Variants in B3GLCT observed in about 807,000 individuals in gnomAD.
The protein encoded by B3GLCT is beta 3-glucosyltransferase.
Under a neutral mutation model 63.4 loss-of-function variants are expected in B3GLCT, and 65 were observed. The ratio of observed to expected loss-of-function variants is 1.03; its 90% CI spans 0.84 to 1.26. The LOEUF (loss-of-function observed/expected upper bound fraction) is 1.26, where lower values mean the gene tolerates loss of function less well. Among genes scored for constraint, B3GLCT ranks in the 50% most tolerant of loss-of-function variants. The pLI is 0.00. For missense variants in B3GLCT, 577 were observed against 604.8 expected, an observed-to-expected ratio of 0.95 and a Z score of 0.48; for synonymous variants, 233 against 219.2, an observed-to-expected ratio of 1.06 and a Z score of -0.55.
At chr13:31,200,780 C>G (rs1254157124) in intron 1 of B3GLCT, among the ~76,000 whole-genome samples, 1 of 152,076 alleles carries the variant, frequency 6.6e-6, no homozygotes, top group Admixed American at 6.5e-5. Flanking sequence ...CAGCCCTTCC[C>G]GGATTCCGAC....
chr13:31,318,776 C>T (rs1260032717), intron 13 of B3GLCT, among the ~76,000 whole-genome samples: 2 of 152,154 alleles, frequency 1.3e-5, no homozygotes, highest in Non-Finnish European at 2.9e-5. Flanking sequence ...AACATGGCAC[C>T]CATTGAGCCA....
At chr13:31,258,913 T>A (rs1418595877) in intron 6 of B3GLCT, among the ~76,000 whole-genome samples, 1 of 152,246 alleles carries the variant, frequency 6.6e-6, no homozygotes, top group African/African-American at 2.4e-5. Flanking sequence ...GTTTCTAATG[T>A]CATGCATTTT....
intron 7 of B3GLCT, 40 bp from the exon 8 acceptor site, chr13:31,269,171 ACTT>A: frequency 7.4e-7 from 1 of 1,345,754 alleles, no homozygotes; most frequent in Non-Finnish European, 1.1e-6. Flanking sequence ...CTTGCTTGAC[ACTT>A]CTTTTGGTTA....
chr13:31,200,600 G>T (rs1227808497), intron 1 of B3GLCT, among the ~76,000 whole-genome samples: 1 of 151,506 alleles, frequency 6.6e-6, no homozygotes, highest in Non-Finnish European at 1.5e-5. Context: ...CGTCCTGCGC[G>T]CCCCGCGCCG....
At chr13:31,259,445 C>G (rs1040754121) in intron 6 of B3GLCT, among the ~76,000 whole-genome samples, 3 of 151,942 alleles carry the variant, frequency 2.0e-5, no homozygotes, top group African/African-American at 7.3e-5. Context: ...TTTGTCCTGG[C>G]AGTCTGAACT....
At chr13:31,326,634 T>C (rs1013332424) in intron 14 of B3GLCT, among the ~76,000 whole-genome samples, 2 of 152,120 alleles carry the variant, frequency 1.3e-5, no homozygotes, top group East Asian at 3.9e-4. Context: ...TGCAGATGCC[T>C]ACCACACTCT....
chr13:31,312,721 A>G (rs1250609485), intron 12 of B3GLCT: 1 of 152,242 alleles, frequency 6.6e-6, no homozygotes, highest in Non-Finnish European at 1.5e-5. Flanking sequence ...TCAAAAATGA[A>G]AACTTTCCAT....
At chr13:31,200,361 G>A (rs1438831873) in intron 1 of B3GLCT, among the ~76,000 whole-genome samples, 1 of 149,192 alleles carries the variant, frequency 6.7e-6, no homozygotes, top group Non-Finnish European at 1.5e-5. Context: ...CCCGGGACCC[G>A]AGGCGTGCCC....
intron 3 of B3GLCT, among the ~76,000 whole-genome samples, chr13:31,226,694 C>T (rs1870120225): frequency 6.6e-6 from 1 of 151,984 alleles, no homozygotes; most frequent in Non-Finnish European, 1.5e-5. Context: ...TTCAGCTTCC[C>T]AAGTAGCTGA....
At chr13:31,234,595 A>G (rs780335634) in intron 4 of B3GLCT, among the ~76,000 whole-genome samples, 1 of 152,064 alleles carries the variant, frequency 6.6e-6, no homozygotes, top group Non-Finnish European at 1.5e-5. Flanking sequence ...GTGGGCTGTG[A>G]TGCTGTCCTG....
intron 3 of B3GLCT, among the ~76,000 whole-genome samples, chr13:31,226,435 G>T (rs1446076796): frequency 1.3e-5 from 2 of 152,194 alleles, no homozygotes; most frequent in African/African-American, 2.4e-5. Flanking sequence ...CACAGGACAT[G>T]ACCCAGGTAT....
intron 13 of B3GLCT, among the ~76,000 whole-genome samples, chr13:31,322,573 A>C (rs1280459610): frequency 6.6e-6 from 1 of 152,238 alleles, no homozygotes; most frequent in Non-Finnish European, 1.5e-5. Flanking sequence ...TCAGCATGCT[A>C]ATAAACAAGT....
chr13:31,213,777 G>T (rs1215076069), intron 1 of B3GLCT, among the ~76,000 whole-genome samples: 2 of 152,032 alleles, frequency 1.3e-5, no homozygotes, highest in Non-Finnish European at 2.9e-5. Flanking sequence ...GATAAGGAGG[G>T]TGTGGAATTG....
chr13:31,274,743 T>C, intron 9 of B3GLCT, 115 bp downstream of exon 9: 1 of 1,356,992 alleles, frequency 7.4e-7, no homozygotes, highest in Non-Finnish European at 1.0e-6. Flanking sequence ...CATGTGCAAG[T>C]TGGTTATAAG....
chr13:31,200,185 C>G lies in B3GLCT; in HGVS notation c.70+31C>G, dbSNP rs1220612372. The G allele has an allele frequency of 3.2e-6, 4 of 1,256,094 alleles. No individual in the cohort carries two copies. The Admixed American group carries it at 1.4e-4, about 43-fold the overall frequency. 77.8% of individuals were successfully genotyped at this position (1,256,094 alleles called of 1,614,324 possible). On this transcript the variant is annotated intron_variant, in intron 1 of 14. Coordinates refer to ENST00000343307, the MANE Select transcript of B3GLCT (RefSeq NM_194318.4). ...TAGCGGGCGGCCAGGCGCGCAAGGGCGAGGCGTGGGGTTCGCGGGCACAGT... is the reference window on the plus strand; with the variant it reads ...TAGCGGGCGGCCAGGCGCGCAAGGGGGAGGCGTGGGGTTCGCGGGCACAGT...
chr13:31,324,944 C>T (rs954253601), intron 14 of B3GLCT, among the ~76,000 whole-genome samples: 2 of 152,072 alleles, frequency 1.3e-5, no homozygotes, highest in African/African-American at 4.8e-5. Context: ...TGGACTCAAG[C>T]GATCCTCCCA....
chr13:31,323,760 C>T lies in B3GLCT; in HGVS notation c.1194C>T (p.Phe398=), dbSNP rs767785815. Residue 398 remains phenylalanine (F), a synonymous_variant, in exon 14 of 15, where the codon TTC becomes TTT. Transcript: ENST00000343307. ...CTCTGGCTCCCACTAGAATGGTCTT[C>T]AGCAGAGAAGCCGTCAGGAGACTTC... ...SYITGGGGMV[F]SREAVRRLLA... 9.0e-5 allele frequency: 145 copies of T among 1,614,034 alleles called. 3 individuals are homozygous for T. In the South Asian group the frequency reaches 1.2e-3, roughly 13 times the overall value.
chr13:31,201,239 C>G (rs1272426239), intron 1 of B3GLCT, among the ~76,000 whole-genome samples: 1 of 152,114 alleles, frequency 6.6e-6, no homozygotes. Flanking sequence ...GTTAGCCCAC[C>G]GGAACCTTGA....
At position 31,261,407 on chromosome 13, in the gene B3GLCT, T is replaced by C. The variant is rs144956010; in HGVS notation, c.596+325T>C. Among the ~76,000 whole-genome samples the C allele has an allele frequency of 2.9e-4, 44 of 152,346 alleles. 1 individual carries two copies. The highest frequency in any genetic ancestry group is 3.4e-3 in the Middle Eastern group (1 of 294). On this transcript the variant is annotated intron_variant, in intron 7 of 14. Transcript: ENST00000343307. The stretch of plus-strand genomic sequence containing the variant: ...GCATCATTACTGTTGTTAAGGGATC[T>C]ACTTAGCTATAGGTGTAACTTTGAT...
Sources: gnomAD v4.1 joint callset for allele counts (sites outside exome capture counted in the v4.1 genomes callset) on GRCh38, gnomAD v4.1.1 for gene constraint, MANE v1.5 for transcripts, NCBI Gene and HGNC (gene_info 2026-07-23, HGNC 2026-07-21) for gene names.